The following RGS20 variants were observed in gnomAD, a reference collection of about 807,000 sequenced individuals.
RGS20 encodes the protein gz-selective GTPase-activating protein.
A neutral mutation model predicts 33.6 loss-of-function variants in RGS20; 30 were observed. The observed-to-expected ratio is 0.89, with a 90% CI of 0.67 to 1.21. The LOEUF (loss-of-function observed/expected upper bound fraction) is 1.21. RGS20 is among the 50% of genes most tolerant of loss of function. RGS20 has a pLI of 0.00. For synonymous variants in RGS20, 208 were observed against 197.9 expected (o/e 1.05, Z -0.43); for missense variants, 472 against 502.4 (o/e 0.94, Z 0.58).
chr8:53,880,719 C>A (rs1812338590), intron 2 of RGS20, among the ~76,000 whole-genome samples, 153 bp from the exon 1 acceptor site: 2 of 151,862 alleles, frequency 1.3e-5, no homozygotes, highest in African/African-American at 4.8e-5. Context: ...GGGGCTGGAG[C>A]AGTGGGGCTG....
chr8:53,919,061 T>A (rs1250587961), intron 2 of RGS20, among the ~76,000 whole-genome samples: 1 of 152,214 alleles, frequency 6.6e-6, no homozygotes, highest in East Asian at 1.9e-4. Flanking sequence ...TTTCTTCACA[T>A]CCTAACACTA....
chr8:53,915,931 CTAT>C (rs1482688047), intron 2 of RGS20, among the ~76,000 whole-genome samples: 1 of 152,156 alleles, frequency 6.6e-6, no homozygotes, highest in African/African-American at 2.4e-5. Context: ...TCTAGATTCA[CTAT>C]TGTTTCTTGT....
intron 5 of RGS20, among the ~76,000 whole-genome samples, chr8:53,954,827 A>G (rs1329974690): frequency 6.7e-6 from 1 of 149,776 alleles, no homozygotes; most frequent in Admixed American, 6.7e-5. Flanking sequence ...AGCTGGGATT[A>G]TAGGTGCGCA....
chr8:53,906,383 G>GA lies in RGS20; in HGVS notation c.510+26790dup, dbSNP rs201574202. Among the ~76,000 whole-genome samples, 448 of 147,210 alleles carry GA rather than the reference G, an allele frequency of 3.0e-3. 8 individuals carry two copies. The highest frequency in any genetic ancestry group is 9.9e-3 in the African/African-American group (397 of 40,232). ...AGAGCAAGACTCCATCTCAAAAAAAGAAAAAAAAACAACTCACTCAACCCT... is the reference window on the plus strand; with the variant it reads ...AGAGCAAGACTCCATCTCAAAAAAAGAAAAAAAAAACAACTCACTCAACCCT... On this transcript the variant is annotated intron_variant, in intron 2 of 5. Transcript: ENST00000297313.
intron 1 of RGS20, among the ~76,000 whole-genome samples, chr8:53,859,612 AC>A (rs1811762877): frequency 6.6e-6 from 1 of 152,216 alleles, no homozygotes. Flanking sequence ...ATGTGAATAA[AC>A]TATATTGGGA....
chr8:53,902,621 A>C (rs2129281103), intron 2 of RGS20, among the ~76,000 whole-genome samples: 1 of 152,342 alleles, frequency 6.6e-6, no homozygotes, highest in South Asian at 2.1e-4. Context: ...CTGTCTATGC[A>C]TAGTTGCAAT....
intron 2 of RGS20, among the ~76,000 whole-genome samples, chr8:53,938,885 G>A (rs538741224): frequency 2.6e-5 from 4 of 152,342 alleles, no homozygotes; most frequent in East Asian, 1.9e-4. Flanking sequence ...TGAAGTAGGT[G>A]AGGGTGACCA....
intron 1 of RGS20, among the ~76,000 whole-genome samples, chr8:53,869,895 T>C (rs902319972): frequency 1.2e-4 from 19 of 152,076 alleles, no homozygotes; most frequent in African/African-American, 4.3e-4. Flanking sequence ...ATAGTGGGAC[T>C]GAGTGGAGGG....
intron 5 of RGS20, among the ~76,000 whole-genome samples, chr8:53,957,195 C>T (rs555939425): frequency 3.3e-5 from 5 of 152,260 alleles, no homozygotes; most frequent in South Asian, 2.1e-4. Flanking sequence ...GGCATGGTCT[C>T]GGCTCACTGC....
Position 53,851,839 on chromosome 8 carries a change from C to G in RGS20, c.-61C>G, listed in dbSNP as rs1811569038. On this transcript the variant is annotated 5_prime_UTR_variant, in exon 1 of 6. Transcript: ENST00000297313. ...CCAAACAAAGAGAAGCAGAGTGGAT[C>G]CTGTGCTAATATTGGGAAAACCAGG... The G allele has an allele frequency of 1.2e-5, 19 of 1,541,522 alleles. No homozygotes were observed. The highest frequency in any genetic ancestry group is 1.7e-5 in the Non-Finnish European group (19 of 1,129,452).
chr8:53,916,310 C>T (rs1813481248), intron 2 of RGS20, among the ~76,000 whole-genome samples: 1 of 152,232 alleles, frequency 6.6e-6, no homozygotes, highest in Non-Finnish European at 1.5e-5. Context: ...GCATGAGCCA[C>T]TGAGCCCAGC....
At position 53,883,934 on chromosome 8, in the gene RGS20, A is replaced by G. The variant is rs542939848; in HGVS notation, c.510+4332A>G. On this transcript the variant is annotated intron_variant, in intron 2 of 5. Coordinates refer to ENST00000297313, the MANE Select transcript of RGS20 (RefSeq NM_170587.4). ...GCACTCCAGCCTGGGCAACAAGAGC[A>G]AAACTCCGTCTCAAAAAAAAAAAAA... Among the ~76,000 whole-genome samples the G allele has an allele frequency of 2.7e-3, 402 of 150,432 alleles. 1 individual carries two copies. The highest frequency in any genetic ancestry group is 9.7e-3 in the African/African-American group (396 of 40,636).
At chr8:53,895,058 G>A (rs1225796564) in intron 2 of RGS20, among the ~76,000 whole-genome samples, 1 of 152,134 alleles carries the variant, frequency 6.6e-6, no homozygotes, top group African/African-American at 2.4e-5. Context: ...GGGACTTATC[G>A]TAGCCATCGA....
chr8:53,921,933 T>C (rs1000059388), intron 2 of RGS20, among the ~76,000 whole-genome samples: 7 of 152,304 alleles, frequency 4.6e-5, no homozygotes, highest in Non-Finnish European at 5.9e-5. Context: ...TGGTCTATTC[T>C]GGAGAATTTT....
Position 53,880,850 on chromosome 8 carries a change from A to G in RGS20, c.510+1248A>G. ...TGGGATTGCCCGGCCGGGTAAAAGG[A>G]GTGAGGGGGCGGGGAGGAGGCAGAG... On this transcript the variant is annotated intron_variant, in intron 2 of 5. Coordinates refer to ENST00000297313, the MANE Select transcript of RGS20 (RefSeq NM_170587.4). The G allele has an allele frequency of 2.9e-6, 4 of 1,396,070 alleles. No homozygotes were observed. In the South Asian group the frequency reaches 5.8e-5, roughly 20 times the overall value. 86.5% of individuals were successfully genotyped at this position (1,396,070 alleles called of 1,614,324 possible).
chr8:53,857,007 C>T (rs768684345), intron 1 of RGS20, among the ~76,000 whole-genome samples: 20 of 152,174 alleles, frequency 1.3e-4, no homozygotes, highest in Non-Finnish European at 2.6e-4. Context: ...AGAGCAAGTA[C>T]GCCTGTTGGC....
At position 53,954,132 on chromosome 8, in the gene RGS20, T is replaced by C; in HGVS notation, c.800T>C (p.Met267Thr). ...TGGGCTCAGTCATTTGACAAATTAA[T>C]GGTCACTCCAGCAGGAAGGAATGCA... Residue 267 changes from methionine to threonine, a missense_variant, in exon 5 of 6, where the codon ATG becomes ACG. Physicochemically the swap from Met to Thr is moderately conservative, Grantham distance 81. Transcript: ENST00000297313. The C allele has an allele frequency of 1.9e-6, 3 of 1,614,112 alleles. No individual in the cohort carries two copies. The highest frequency in any genetic ancestry group is 2.5e-6 in the Non-Finnish European group (3 of 1,180,012).
At chr8:53,872,593 G>C (rs927485556) in intron 1 of RGS20, among the ~76,000 whole-genome samples, 1 of 152,128 alleles carries the variant, frequency 6.6e-6, no homozygotes, top group Non-Finnish European at 1.5e-5. Flanking sequence ...TCCTCGTCTG[G>C]TTTCTGTTTC....
At chr8:53,897,950 A>G (rs1812913810) in intron 2 of RGS20, among the ~76,000 whole-genome samples, 2 of 152,226 alleles carry the variant, frequency 1.3e-5, no homozygotes, top group Non-Finnish European at 2.9e-5. Context: ...TGTGGGGCAC[A>G]CACTGCAAAG....
Sources: allele counts gnomAD v4.1 joint callset (sites outside exome capture counted in the v4.1 genomes callset), GRCh38; gene constraint gnomAD v4.1.1; transcripts MANE v1.5; gene names NCBI Gene and HGNC (gene_info 2026-07-23, HGNC 2026-07-21).